Variants in CSMD2 observed in about 807,000 individuals in gnomAD.
The protein encoded by CSMD2 is CUB and Sushi multiple domains 2.
In CSMD2, 130 loss-of-function variants were observed where a neutral mutation model predicts 398.5. The ratio of observed to expected loss-of-function variants is 0.33; its 90% CI spans 0.28 to 0.38. The LOEUF is 0.38. Among genes scored for constraint, CSMD2 ranks in the 10% least tolerant of loss-of-function variants. The pLI, the probability that CSMD2 is intolerant of heterozygous loss-of-function variation, is 1.00. For synonymous variants in CSMD2, 1,828 were observed against 1,908.5 expected (o/e 0.96, Z 1.10); for missense variants, 3,829 against 4,764.9 (o/e 0.80, Z 5.78).
Position 33,726,613 on chromosome 1 carries a change from T to A in CSMD2, c.2441A>T (p.Asp814Val). 1 of 1,613,754 alleles carries A rather than the reference T, an allele frequency of 6.2e-7. No homozygotes were observed. Among genetic ancestry groups the A allele is most frequent in the Non-Finnish European group, 8.5e-7 (1 of 1,179,954 alleles). The change falls in exon 16 of 71, where the codon GAT becomes GTT. Residue 814 changes from aspartate (D) to valine (V), a missense_variant. By Grantham distance (152) the Asp-to-Val change is radical (BLOSUM62 -3). Coordinates refer to ENST00000373381, the MANE Select transcript of CSMD2 (RefSeq NM_001281956.2). Reference sequence around the variant, plus strand: ...AATCACCCAGGCACAGCTCAAGGCATCCTTGTAGAAGCCAGGCCAGCCCGG... The same window carrying A: ...AATCACCCAGGCACAGCTCAAGGCAACCTTGTAGAAGCCAGGCCAGCCCGG... ...LSPGWPGFYK[D>V]ALSCAWVIEA... is the part of the protein sequence containing the mutation.
intron 1 of CSMD2, among the ~76,000 whole-genome samples, chr1:34,129,782 G>A (rs2148494043): frequency 6.6e-6 from 1 of 152,336 alleles, no homozygotes; most frequent in African/African-American, 2.4e-5. Flanking sequence ...AGTGCTCCCT[G>A]CACACACAGA....
intron 2 of CSMD2, among the ~76,000 whole-genome samples, chr1:34,062,353 T>A (rs1301864317): frequency 6.6e-6 from 1 of 152,210 alleles, no homozygotes; most frequent in Non-Finnish European, 1.5e-5. Flanking sequence ...TTGACATCCA[T>A]CAGGGGTGTC....
chr1:33,593,275 C>T (rs893325131), intron 44 of CSMD2, among the ~76,000 whole-genome samples: 1 of 152,192 alleles, frequency 6.6e-6, no homozygotes, highest in Non-Finnish European at 1.5e-5. Flanking sequence ...TAAACTGTGT[C>T]ACATTGTCTT....
intron 3 of CSMD2, among the ~76,000 whole-genome samples, chr1:33,980,056 C>T (rs1301214480): frequency 6.6e-6 from 1 of 152,178 alleles, no homozygotes; most frequent in Admixed American, 6.5e-5. Context: ...CAGGGGAGAG[C>T]CTTCACTGTG....
chr1:33,665,913 C>G (rs1644302215), intron 25 of CSMD2, among the ~76,000 whole-genome samples: 1 of 152,154 alleles, frequency 6.6e-6, no homozygotes, highest in Admixed American at 6.5e-5. Flanking sequence ...CTAACTAGAT[C>G]ATAATTTTCA....
At chr1:33,969,963 G>A (rs976170893) in intron 3 of CSMD2, among the ~76,000 whole-genome samples, 10 of 152,018 alleles carry the variant, frequency 6.6e-5, no homozygotes, top group Admixed American at 5.2e-4. Context: ...AGATTCAACC[G>A]GGCGTGGTGG....
intron 3 of CSMD2, among the ~76,000 whole-genome samples, chr1:33,979,981 G>A (rs1353034932): frequency 6.6e-6 from 1 of 152,182 alleles, no homozygotes; most frequent in Admixed American, 6.5e-5. Flanking sequence ...TCTGGGTTCT[G>A]TGCCCGCTTT....
chr1:34,022,209 T>C (rs1338121398), intron 3 of CSMD2, among the ~76,000 whole-genome samples: 1 of 152,224 alleles, frequency 6.6e-6, no homozygotes, highest in Non-Finnish European at 1.5e-5. Flanking sequence ...CCTAATAGCT[T>C]ACACATCCAC....
intron 32 of CSMD2, among the ~76,000 whole-genome samples, chr1:33,628,382 T>C (rs1642255441): frequency 6.6e-6 from 1 of 152,046 alleles, no homozygotes; most frequent in African/African-American, 2.4e-5. Flanking sequence ...AAAAAAATCA[T>C]TTAAGGCAGG....
At chr1:33,716,685 G>C (rs995426373) in intron 19 of CSMD2, among the ~76,000 whole-genome samples, 184 bp from the exon 20 acceptor site, 11 of 152,218 alleles carry the variant, frequency 7.2e-5, no homozygotes, top group African/African-American at 2.7e-4. Flanking sequence ...CAAGTGCCCA[G>C]AGATTCAGTC....
intron 1 of CSMD2, among the ~76,000 whole-genome samples, chr1:34,112,588 T>C (rs1661200978): frequency 6.6e-6 from 1 of 152,250 alleles, no homozygotes; most frequent in South Asian, 2.1e-4. Context: ...TTTGTCACCA[T>C]GCCAGAGACT....
chr1:34,041,519 A>G (rs1347934537), intron 2 of CSMD2, among the ~76,000 whole-genome samples: 1 of 152,144 alleles, frequency 6.6e-6, no homozygotes, highest in Admixed American at 6.5e-5. Context: ...ATGAAAGCTC[A>G]TTTTCTTACT....
chr1:33,934,268 G>A (rs1644399150), intron 4 of CSMD2, among the ~76,000 whole-genome samples: 1 of 152,238 alleles, frequency 6.6e-6, no homozygotes, highest in Admixed American at 6.5e-5. Flanking sequence ...AGGATCCATG[G>A]AATTTAGAGA....
At chr1:33,971,620 C>T (rs550687693) in intron 3 of CSMD2, among the ~76,000 whole-genome samples, 14 of 152,330 alleles carry the variant, frequency 9.2e-5, no homozygotes, top group Admixed American at 3.9e-4. Flanking sequence ...GGGTTTTCCC[C>T]GTGGAGCCCA....
At chr1:33,542,127 A>G (rs1014758770) in intron 58 of CSMD2, among the ~76,000 whole-genome samples, 4 of 152,168 alleles carry the variant, frequency 2.6e-5, no homozygotes, top group Admixed American at 2.0e-4. Context: ...ATCTTGTCAC[A>G]TTTCCTCATC....
chr1:33,836,642 G>T (rs1199106168), intron 6 of CSMD2, among the ~76,000 whole-genome samples: 3 of 152,208 alleles, frequency 2.0e-5, no homozygotes, highest in Admixed American at 2.0e-4. Context: ...GAGGCTCCGT[G>T]GGTGTAGGAC....
At chr1:33,877,787 T>C (rs1451963542) in intron 5 of CSMD2, among the ~76,000 whole-genome samples, 1 of 151,868 alleles carries the variant, frequency 6.6e-6, no homozygotes, top group Admixed American at 6.6e-5. Context: ...GAGAGAGATG[T>C]TAAGTTAATG....
intron 48 of CSMD2, 75 bp downstream of exon 48, chr1:33,580,678 G>T: frequency 6.5e-7 from 1 of 1,535,656 alleles, no homozygotes; most frequent in Non-Finnish European, 8.9e-7. Context: ...GGGAATGGCC[G>T]CCCGGTCTCC....
At chr1:33,571,821 G>T (rs1659624617) in intron 50 of CSMD2, 95 bp from the exon 51 acceptor site, 2 of 929,692 alleles carry the variant, frequency 2.2e-6, no homozygotes, top group Non-Finnish European at 2.9e-6. Flanking sequence ...AGACCTTAAT[G>T]CAATAATGAA....
Sources: gnomAD v4.1 joint callset for allele counts (sites outside exome capture counted in the v4.1 genomes callset) on GRCh38, gnomAD v4.1.1 for gene constraint, MANE v1.5 for transcripts, NCBI Gene and HGNC (gene_info 2026-07-23, HGNC 2026-07-21) for gene names.